Variants in PCM1 observed in about 807,000 individuals in gnomAD.
PCM1 encodes pericentriolar material 1 protein.
A neutral mutation model predicts 241.9 loss-of-function variants in PCM1; 157 were observed. The observed-to-expected ratio is 0.65, with a 90% CI of 0.57 to 0.74. The LOEUF (loss-of-function observed/expected upper bound fraction) is 0.74. Ranked by LOEUF, PCM1 falls within the 30% of genes least tolerant of loss-of-function variation. The pLI, the probability that PCM1 is intolerant of heterozygous loss-of-function variation, is 0.00. For synonymous variants in PCM1, 1,085 were observed against 784.9 expected (o/e 1.38, Z -6.39); for missense variants, 3,478 against 2,360.1 (o/e 1.47, Z -9.81).
chr8:18,000,302 C>T (rs568137116), intron 29 of PCM1, among the ~76,000 whole-genome samples: 8 of 152,162 alleles, frequency 5.3e-5, no homozygotes, highest in African/African-American at 1.9e-4. Flanking sequence ...ATATTACAGG[C>T]CATGGTTAGA....
At chr8:17,978,085 CAA>C (rs1351242912) in intron 23 of PCM1, among the ~76,000 whole-genome samples, 6 of 151,978 alleles carry the variant, frequency 3.9e-5, no homozygotes, top group Admixed American at 3.9e-4. Context: ...TGAATTATAA[CAA>C]ATTCTTTAGA....
At chr8:17,981,044 A>T (rs2080574390) in intron 24 of PCM1, among the ~76,000 whole-genome samples, 1 of 152,232 alleles carries the variant, frequency 6.6e-6, no homozygotes, top group South Asian at 2.1e-4. Flanking sequence ...TAAGAATTAG[A>T]TATGAAATCA....
chr8:18,018,862 A>ATTTGTGTGTG (rs2093489764), intron 36 of PCM1, among the ~76,000 whole-genome samples: 2 of 61,674 alleles, frequency 3.2e-5, no homozygotes, highest in South Asian at 3.7e-4. Flanking sequence ...GTATATATAT[A>ATTTGTGTGTG]TATATATATA....
At chr8:18,004,847 A>C (rs1016824950) in intron 29 of PCM1, among the ~76,000 whole-genome samples, 1 of 152,182 alleles carries the variant, frequency 6.6e-6, no homozygotes, top group African/African-American at 2.4e-5. Flanking sequence ...TACCTGTCGT[A>C]ATAGGCATGA....
intron 4 of PCM1, among the ~76,000 whole-genome samples, chr8:17,937,671 T>G (rs1460641507): frequency 6.6e-6 from 1 of 152,154 alleles, no homozygotes; most frequent in Non-Finnish European, 1.5e-5. Flanking sequence ...GGTAACTGAA[T>G]AAAATGGTAT....
Position 17,956,713 on chromosome 8 carries a change from G to T in PCM1, c.1582G>T (p.Glu528Ter), listed in dbSNP as rs1320306955. 1 of 1,607,356 alleles carries T rather than the reference G, an allele frequency of 6.2e-7. No homozygotes were observed. The highest frequency in any genetic ancestry group is 1.7e-5 in the Admixed American group (1 of 59,382). ...TGCTGTGAATGAAAACAGGAAAGAT[G>T]AAGAAACTGAAGAGTCAGAATATGA... ...TDAVNENRKD[E>*]ETEESEYDSE... Residue 528 changes from glutamate (E) to a stop codon, truncating the protein, a stop_gained, in exon 11 of 39, where the codon GAA becomes TAA. Transcript: ENST00000325083. LOFTEE classifies it high-confidence loss of function.
In PCM1 at chr8:17,937,354, G is replaced by T; in HGVS notation, c.317G>T (p.Arg106Leu). Reference sequence around the variant, plus strand: ...GCAGAATTAGAGAAACTGAAACAGCGGATAAACTTCAGTGATTTAGATCAG... The same window carrying T: ...GCAGAATTAGAGAAACTGAAACAGCTGATAAACTTCAGTGATTTAGATCAG... The part of the protein sequence containing the change: ...EQAELEKLKQ[R>L]INFSDLDQRS... The change falls in exon 4 of 39, where the codon CGG becomes CTG. Residue 106 changes from arginine to leucine, a missense_variant. Transcript: ENST00000325083. The T allele has an allele frequency of 3.1e-6, 5 of 1,599,764 alleles. No homozygotes were observed. Among genetic ancestry groups the T allele is most frequent in the Non-Finnish European group, 4.3e-6 (5 of 1,173,772 alleles).
intron 3 of PCM1, among the ~76,000 whole-genome samples, chr8:17,936,200 A>T (rs1275914843): frequency 6.6e-6 from 1 of 152,076 alleles, no homozygotes; most frequent in African/African-American, 2.4e-5. Context: ...TTGTAGTATG[A>T]TTATCCTAAT....
chr8:18,029,463 A>G lies in PCM1; in HGVS notation c.*1801A>G. 1 of 216,518 alleles carries G rather than the reference A, an allele frequency of 4.6e-6. No homozygotes were observed. The highest frequency in any genetic ancestry group is 9.3e-6 in the Non-Finnish European group (1 of 107,368). 13.4% of individuals were successfully genotyped at this position (216,518 alleles called of 1,614,324 possible). A position where few individuals can be genotyped will look rare whatever the true frequency, so the allele number is the denominator to read the frequency against. The stretch of plus-strand genomic sequence containing the variant: ...AGGAAAGGGTAAAAACTGTTTTGGT[A>G]CTCAAGCCCAGCCTTACATACTGTG... On this transcript the variant is annotated 3_prime_UTR_variant, in exon 39 of 39. Transcript: ENST00000325083.
Position 18,011,716 on chromosome 8 carries a change from A to T in PCM1, c.5400A>T (p.Glu1800Asp). 6.2e-7 allele frequency: 1 copy of T among 1,613,176 alleles called. No homozygotes were observed. The highest frequency in any genetic ancestry group is 8.5e-7 in the Non-Finnish European group (1 of 1,179,420). The part of the protein sequence containing the change: ...TQALTNYGSG[E>D]DENEDEEMEE... ...CTTTAACTAATTATGGAAGTGGAGA[A>T]GATGAAAATGAGGATGAAGAAATGG... Residue 1800 changes from glutamate to aspartate, a missense_variant, in exon 34 of 39, where the codon GAA becomes GAT. Transcript: ENST00000325083.
In PCM1 at chr8:17,966,102, G is replaced by A. The variant is rs200580190; in HGVS notation, c.2959G>A (p.Val987Met). ...SMQRQENLRW[V>M]SELSYVEEKE... ...GCAACGGCAAGAAAACCTTCGTTGG[G>A]TGTCAGAGCTCTCTTACGTAGAAGA... Residue 987 changes from valine (V) to methionine (M), a missense_variant, in exon 19 of 39, where the codon GTG becomes ATG. Val to Met is a conservative substitution (Grantham distance 21). Coordinates refer to ENST00000325083, the MANE Select transcript of PCM1 (RefSeq NM_006197.4). 1.6e-3 allele frequency: 2,548 copies of A among 1,613,770 alleles called. 3 individuals carry two copies. Among genetic ancestry groups the A allele is most frequent in the Non-Finnish European group, 1.8e-3 (2,168 of 1,179,702 alleles).
At chr8:17,950,957 A>G (rs1022477917) in intron 8 of PCM1, among the ~76,000 whole-genome samples, 24 of 152,338 alleles carry the variant, frequency 1.6e-4, no homozygotes, top group African/African-American at 5.8e-4. Context: ...GAATCACTAA[A>G]TTAGAGGAGA....
rs1413885467 is a variant in PCM1, at chr8:17,950,628, T to C, written c.975T>C (p.Thr325=). 1.3e-6 allele frequency: 2 copies of C among 1,589,904 alleles called. No individual in the cohort carries two copies. Among genetic ancestry groups the C allele is most frequent in the Non-Finnish European group, 1.7e-6 (2 of 1,161,928 alleles). The stretch of plus-strand genomic sequence containing the variant: ...ATTTCTTTCCAGTTGTTGCAGAAAC[T>C]GCAGGTAGCTTATCTGGCGTCAGTA... ...AVMDDSVVAE[T]AGSLSGVSIT... Residue 325 remains threonine (T), a synonymous_variant, in exon 8 of 39, where the codon ACT becomes ACC. Coordinates refer to ENST00000325083, the MANE Select transcript of PCM1 (RefSeq NM_006197.4).
chr8:18,011,573 A>G (rs1008762724), intron 33 of PCM1, 94 bp from the exon 34 acceptor site: 1 of 1,207,494 alleles, frequency 8.3e-7, no homozygotes, highest in African/African-American at 1.5e-5. Context: ...TACTGTATAT[A>G]AAGCATCTGT....
At chr8:17,989,460 ATGT>A (rs1459662719) in intron 26 of PCM1, among the ~76,000 whole-genome samples, 6 of 152,020 alleles carry the variant, frequency 3.9e-5, no homozygotes, top group Admixed American at 2.0e-4. Context: ...AATGCAAATG[ATGT>A]TGTGATGTTT....
intron 23 of PCM1, among the ~76,000 whole-genome samples, chr8:17,979,113 G>C (rs2079779506): frequency 6.8e-6 from 1 of 146,350 alleles, no homozygotes. Flanking sequence ...AACAGAATGA[G>C]ACTCAGTCTC....
chr8:17,977,739 C>G (rs2079260195), intron 23 of PCM1, among the ~76,000 whole-genome samples: 1 of 152,162 alleles, frequency 6.6e-6, no homozygotes, highest in Non-Finnish European at 1.5e-5. Flanking sequence ...GTCTTTGCAG[C>G]TGAAGAGACT....
chr8:18,000,611 T>C (rs1380238942), intron 29 of PCM1, among the ~76,000 whole-genome samples: 2 of 142,116 alleles, frequency 1.4e-5, no homozygotes, highest in Non-Finnish European at 3.1e-5. Flanking sequence ...GATGAAGAGC[T>C]CTGTTTTTTT....
In PCM1 at chr8:17,964,917, C is replaced by T. The variant is rs1045622019; in HGVS notation, c.2855+149C>T. The stretch of plus-strand genomic sequence containing the variant: ...CTAACTACTCAGAGTTAGTGCAGAC[C>T]CCTCAAGTTAAGGGGCTCAGTTCAG... On this transcript the variant is annotated intron_variant, in intron 18 of 38. Coordinates refer to ENST00000325083, the MANE Select transcript of PCM1 (RefSeq NM_006197.4). 4 of 621,572 alleles carry T rather than the reference C, an allele frequency of 6.4e-6. No homozygotes were observed. In the African/African-American group the frequency reaches 7.4e-5, roughly 11 times the overall value. The allele number at this position is 621,572 out of a possible 1,614,324, so 38.5% of individuals were successfully genotyped here.
Sources: gnomAD v4.1 joint callset for allele counts (sites outside exome capture counted in the v4.1 genomes callset) on GRCh38, gnomAD v4.1.1 for gene constraint, MANE v1.5 for transcripts, NCBI Gene and HGNC (gene_info 2026-07-23, HGNC 2026-07-21) for gene names.